The following CLSPN variants were observed in gnomAD, a reference collection of about 807,000 sequenced individuals.
The protein encoded by CLSPN is claspin homolog.
A neutral mutation model predicts 156.3 loss-of-function variants in CLSPN; 85 were observed. The observed-to-expected ratio is 0.54, with a 90% CI of 0.46 to 0.65. The LOEUF (loss-of-function observed/expected upper bound fraction) is 0.65. CLSPN is among the 30% of genes least tolerant of loss of function. CLSPN has a pLI of 0.00. For missense variants in CLSPN, 1,407 were observed against 1,554.9 expected (o/e 0.90, Z 1.60); for synonymous variants, 534 against 542.4 (o/e 0.98, Z 0.22).
In CLSPN at chr1:35,736,966, T is replaced by G. The variant is rs768368380; in HGVS notation, c.3857A>C (p.His1286Pro). ...APRNSRNFVF[H>P]TLSPVKAEAA... ...CTCAGCCTTGACAGGAGAAAGTGTA[T>G]GAAAGACAAAGTTTCTTGAATTTCG... The change falls in exon 24 of 25, where the codon CAT becomes CCT. Residue 1286 changes from histidine to proline, a missense_variant. His to Pro is a moderately conservative substitution (Grantham distance 77). Coordinates refer to ENST00000318121, the MANE Select transcript of CLSPN (RefSeq NM_022111.4). 1 of 1,614,048 alleles carries G rather than the reference T, an allele frequency of 6.2e-7. No individual in the cohort carries two copies. The highest frequency in any genetic ancestry group is 8.5e-7 in the Non-Finnish European group (1 of 1,180,020).
At chr1:35,747,018 A>G (rs911832291) in intron 14 of CLSPN, 26 bp from the exon 15 acceptor site, 4 of 1,587,822 alleles carry the variant, frequency 2.5e-6, no homozygotes, top group South Asian at 1.1e-5. Context: ...CACAACGAAT[A>G]GTGTAAAAAA....
rs1441203674 is a variant in CLSPN, at chr1:35,762,058, C to T, written c.835G>A (p.Ala279Thr). 1 of 1,612,154 alleles carries T rather than the reference C, an allele frequency of 6.2e-7. No homozygotes were observed. Among genetic ancestry groups the T allele is most frequent in the East Asian group, 2.2e-5 (1 of 44,834 alleles). The change falls in exon 6 of 25, where the codon GCC becomes ACC. Residue 279 changes from alanine to threonine, a missense_variant. By Grantham distance (58) the Ala-to-Thr change is moderately conservative (BLOSUM62 0). Coordinates refer to ENST00000318121, the MANE Select transcript of CLSPN (RefSeq NM_022111.4). ...KGTTRKERKA[A>T]RLSKEALKQL... ...TTTAATGCTTCTTTACTTAATCTGG[C>T]TGCCTTTCTTTCCTTAAAGAAAACA... is the stretch of plus-strand genomic sequence containing the variant.
intron 18 of CLSPN, 48 bp downstream of exon 18, chr1:35,743,093 C>G: frequency 2.0e-6 from 3 of 1,505,454 alleles, no homozygotes; most frequent in Non-Finnish European, 2.8e-6. Flanking sequence ...GGCCTAGTGA[C>G]CAAATTTTAA....
In CLSPN at chr1:35,734,809, C is replaced by T; in HGVS notation, c.*1687G>A. On this transcript the variant is annotated 3_prime_UTR_variant, in exon 25 of 25. Transcript: ENST00000318121. ...TCCCAGTAAAAAACTGGCACACTCT[C>T]TTCCAACTGCCCAAGTACAGGTCCT... is the stretch of plus-strand genomic sequence containing the variant. The T allele has an allele frequency of 5.1e-6, 5 of 985,420 alleles. No individual in the cohort carries two copies. In the South Asian group the frequency reaches 1.4e-4, roughly 28 times the overall value. 61.0% of individuals were successfully genotyped at this position (985,420 alleles called of 1,614,324 possible).
intron 1 of CLSPN, among the ~76,000 whole-genome samples, chr1:35,765,550 TA>T (rs74716409): frequency 2.0e-4 from 30 of 147,168 alleles, no homozygotes; most frequent in Non-Finnish European, 2.4e-4. Context: ...TTAGTAACGG[TA>T]AAAAAAAAAA....
intron 18 of CLSPN, 27 bp downstream of exon 18, chr1:35,743,114 A>G (rs1477611150): frequency 3.2e-6 from 5 of 1,567,632 alleles, no homozygotes; most frequent in Non-Finnish European, 4.4e-6. Flanking sequence ...ATACACCTGA[A>G]GGAATGGACA....
At chr1:35,723,940 A>C (rs941570143) in intron 24 of CLSPN, among the ~76,000 whole-genome samples, 1 of 152,164 alleles carries the variant, frequency 6.6e-6, no homozygotes, top group Admixed American at 6.6e-5. Flanking sequence ...GCAGTGAGCC[A>C]AGATCACACC....
In CLSPN at chr1:35,763,175, T is replaced by C; in HGVS notation, c.729A>G (p.Lys243=). The part of the protein sequence containing the change: ...LESIRAAVKN[K]VKKHKKKEPS... ...CTTTACTTGCCTTGTGCTTTTTTACTTTGTTTTTTACAGCTGCTCTTATTG... is the reference window on the plus strand; with the variant it reads ...CTTTACTTGCCTTGTGCTTTTTTACCTTGTTTTTTACAGCTGCTCTTATTG... Residue 243 remains lysine, a synonymous_variant, in exon 4 of 25, where the codon AAA becomes AAG. Transcript: ENST00000318121. 6.3e-7 allele frequency: 1 copy of C among 1,575,606 alleles called. No homozygotes were observed. The highest frequency in any genetic ancestry group is 1.2e-5 in the South Asian group (1 of 84,162).
At position 35,760,552 on chromosome 1, in the gene CLSPN, C is replaced by A; in HGVS notation, c.1369G>T (p.Glu457Ter). Residue 457 changes from glutamate to a stop codon, truncating the protein, a stop_gained, in exon 8 of 25, where the codon GAG (glutamate) becomes TAG (stop). Coordinates refer to ENST00000318121, the MANE Select transcript of CLSPN (RefSeq NM_022111.4). LOFTEE classifies it high-confidence loss of function. ...GLVAFEPHALEGEGPQNPEET... is the reference protein window; with the variant it reads ...GLVAFEPHAL ...TCTGGATTTTGGGGGCCTTCACCCTCCAGGGCATGAGGTTCAAATGCTACA... is the reference window on the plus strand; with the variant it reads ...TCTGGATTTTGGGGGCCTTCACCCTACAGGGCATGAGGTTCAAATGCTACA... 1.2e-6 allele frequency: 2 copies of A among 1,614,192 alleles called. No individual in the cohort carries two copies. The highest frequency in any genetic ancestry group is 1.7e-6 in the Non-Finnish European group (2 of 1,180,032).
At chr1:35,729,255 C>G (rs1224421526), downstream of CLSPN, among the ~76,000 whole-genome samples, 1 of 152,162 alleles carries the variant, frequency 6.6e-6, no homozygotes, top group Non-Finnish European at 1.5e-5. Context: ...CAATAATTCT[C>G]CAGCCTGGAG....
At chr1:35,756,632 T>C (rs1413224773) in intron 8 of CLSPN, among the ~76,000 whole-genome samples, 1 of 152,202 alleles carries the variant, frequency 6.6e-6, no homozygotes, top group Non-Finnish European at 1.5e-5. Flanking sequence ...ACTGTTCTCA[T>C]TCACATTGCT....
rs1473403524 is a variant in CLSPN at position 35,722,717 on chromosome 1, C to T, written c.3910-1737G>A. Among the ~76,000 whole-genome samples, 9 of 152,034 alleles carry T rather than the reference C, an allele frequency of 5.9e-5. No individual in the cohort carries two copies. In the South Asian group the frequency reaches 1.2e-3, roughly 21 times the overall value. Reference sequence around the variant, plus strand: ...TGCAATCTCCATTCATTGCAACGTCCGCCTCCCAGGATCAAGCGATTCTCA... The same window carrying T: ...TGCAATCTCCATTCATTGCAACGTCTGCCTCCCAGGATCAAGCGATTCTCA... On this transcript the variant is annotated intron_variant, in intron 24 of 24. Transcript: ENST00000251195.
Position 35,751,357 on chromosome 1 carries a change from C to T in CLSPN, c.1921G>A (p.Glu641Lys). The change falls in exon 10 of 25, where the codon GAG (glutamate) becomes AAG (lysine). Residue 641 changes from glutamate (E) to lysine (K), a missense_variant. By Grantham distance (56) the Glu-to-Lys change is moderately conservative (BLOSUM62 1). This residue lies in a region of CLSPN where 1,096 missense variants were observed against 1,193.0 expected (regional missense o/e 0.92). Coordinates refer to ENST00000318121, the MANE Select transcript of CLSPN (RefSeq NM_022111.4). ...TTCTCTTCTCCATCTTCCTCAGACT[C>T]ATCTGTCATTTCTTCCTCTTCCTCC... ...EEEEEEEMTD[E>K]SEEDGEEKVE... 1 of 1,603,188 alleles carries T rather than the reference C, an allele frequency of 6.2e-7. No individual in the cohort carries two copies. The highest frequency in any genetic ancestry group is 8.5e-7 in the Non-Finnish European group (1 of 1,172,082).
downstream of CLSPN, among the ~76,000 whole-genome samples, chr1:35,727,614 G>A (rs1221893316): frequency 1.3e-5 from 2 of 152,184 alleles, no homozygotes; most frequent in Non-Finnish European, 1.5e-5. Context: ...TCAGTTACCG[G>A]GGCTGTTATG....
intron 14 of CLSPN, among the ~76,000 whole-genome samples, chr1:35,747,301 G>A (rs1436428407): frequency 6.6e-6 from 1 of 151,250 alleles, no homozygotes; most frequent in Non-Finnish European, 1.5e-5. Flanking sequence ...CAGCCTGGGC[G>A]ACAGAGCAAG....
Position 35,760,888 on chromosome 1 carries a change from T to C in CLSPN, c.1033A>G (p.Lys345Glu). The C allele has an allele frequency of 6.2e-7, 1 of 1,612,252 alleles. No individual in the cohort carries two copies. Among genetic ancestry groups the C allele is most frequent in the Non-Finnish European group, 8.5e-7 (1 of 1,178,604 alleles). ...KSSKYQSSHH[K>E]EIIDTANTTE... ...GTATTTGCAGTGTCTATGATTTCTT[T>C]GTGATGGCTTGACTGATATTTAGAT... Residue 345 changes from lysine to glutamate, a missense_variant, in exon 8 of 25, where the codon AAA becomes GAA. Lys to Glu is a moderately conservative substitution (Grantham distance 56). Transcript: ENST00000318121.
intron 3 of CLSPN, among the ~76,000 whole-genome samples, chr1:35,764,007 C>T (rs12745480): frequency 6.6e-6 from 1 of 152,040 alleles, no homozygotes; most frequent in Admixed American, 6.6e-5. Flanking sequence ...ACTCTGTTGC[C>T]TAGGCTGTTC....
intron 12 of CLSPN, 70 bp downstream of exon 12, chr1:35,749,397 C>T: frequency 7.1e-7 from 1 of 1,409,978 alleles, no homozygotes; most frequent in Non-Finnish European, 1.0e-6. Context: ...ACTTACCGTA[C>T]TGCAGTCCTT....
rs906662013 is a variant in CLSPN at position 35,746,015 on chromosome 1, G to T, written c.2855-453C>A. Among the ~76,000 whole-genome samples the T allele has an allele frequency of 6.6e-6, 1 of 150,470 alleles. No homozygotes were observed. The highest frequency in any genetic ancestry group is 2.5e-5 in the African/African-American group (1 of 40,802). On this transcript the variant is annotated intron_variant, in intron 15 of 24. Coordinates refer to ENST00000318121, the MANE Select transcript of CLSPN (RefSeq NM_022111.4). The surrounding 1 kb of genome is among the most constrained non-coding windows in gnomAD (Gnocchi z 4.2). ...GGCTGGAGTGCAGTGGCACAATCTCGGCTCACTGCAACCTCCACCTCCGGG... is the reference window on the plus strand; with the variant it reads ...GGCTGGAGTGCAGTGGCACAATCTCTGCTCACTGCAACCTCCACCTCCGGG...
Sources: gnomAD v4.1 joint callset for allele counts (sites outside exome capture counted in the v4.1 genomes callset) on GRCh38, gnomAD v4.1.1 for gene constraint, gnomAD v4.1.1 regional missense constraint, Gnocchi (gnomAD v3.1) non-coding constraint, MANE v1.5 for transcripts, NCBI Gene and HGNC (gene_info 2026-07-23, HGNC 2026-07-21) for gene names.